The following DTL variants were observed in gnomAD, a reference collection of about 807,000 sequenced individuals.
DTL encodes denticleless E3 ubiquitin protein ligase adapter.
DTL carries 46 observed loss-of-function variants against 87.0 expected under a neutral mutation model. The observed-to-expected ratio is 0.53, with a 90% CI of 0.42 to 0.68. The LOEUF (loss-of-function observed/expected upper bound fraction) is 0.68. Among genes scored for constraint, DTL ranks in the 30% least tolerant of loss-of-function variants. DTL has a pLI of 0.00. For synonymous variants in DTL, 308 were observed against 311.2 expected, an observed-to-expected ratio of 0.99 and a Z score of 0.11; for missense variants, 737 against 869.4, an observed-to-expected ratio of 0.85 and a Z score of 1.91.
chr1:212,058,150 TAGAC>T (rs1229032671), intron 5 of DTL, among the ~76,000 whole-genome samples: 2 of 152,098 alleles, frequency 1.3e-5, no homozygotes, highest in African/African-American at 4.8e-5. Context: ...CACTCAGCGT[TAGAC>T]AGATATCTAG....
chr1:212,074,298 A>G (rs142389774), intron 11 of DTL, among the ~76,000 whole-genome samples: 1 of 150,698 alleles, frequency 6.6e-6, no homozygotes, highest in Non-Finnish European at 1.5e-5. Context: ...TTTCTTGACA[A>G]TTGTTAAAGT....
intron 2 of DTL, 81 bp downstream of exon 2, chr1:212,043,199 C>T: frequency 7.3e-7 from 1 of 1,376,290 alleles, no homozygotes; most frequent in Non-Finnish European, 9.7e-7. Context: ...TAGAGTATTT[C>T]CCTTTCAAAG....
intron 13 of DTL, among the ~76,000 whole-genome samples, chr1:212,099,980 G>GT: frequency 6.6e-6 from 1 of 152,192 alleles, no homozygotes. Context: ...CATGGTTTAC[G>GT]TAAGTGCTTT....
chr1:212,076,198 T>G (rs946004875), intron 11 of DTL, among the ~76,000 whole-genome samples: 2 of 152,080 alleles, frequency 1.3e-5, no homozygotes, highest in Admixed American at 6.6e-5. Context: ...TTAACATAGG[T>G]TTTTAATTCT....
chr1:212,047,504 TG>T, intron 5 of DTL, 87 bp downstream of exon 5: 1 of 1,532,908 alleles, frequency 6.5e-7, no homozygotes, highest in Non-Finnish European at 8.9e-7. Flanking sequence ...CCCTTTCCCC[TG>T]TCAAAGTTAC....
rs1655662430 is a variant in DTL at position 212,102,823 on chromosome 1, C to G, written c.2095-19C>G. ...TGAACTTCAAGGAAATCTCTGAAATCTAAACTTTCTTCTTCTAGGTCACCA... is the reference window on the plus strand; with the variant it reads ...TGAACTTCAAGGAAATCTCTGAAATGTAAACTTTCTTCTTCTAGGTCACCA... On this transcript the variant is annotated intron_variant, in intron 14 of 14. Transcript: ENST00000366991. 1 of 1,551,294 alleles carries G rather than the reference C, an allele frequency of 6.4e-7. No homozygotes were observed. The highest frequency in any genetic ancestry group is 1.4e-5 in the African/African-American group (1 of 73,170).
intron 13 of DTL, among the ~76,000 whole-genome samples, chr1:212,087,771 C>G (rs1381558389): frequency 6.6e-6 from 1 of 152,180 alleles, no homozygotes; most frequent in Admixed American, 6.5e-5. Context: ...ACATTGCCAT[C>G]TTGAAAATCA....
chr1:212,084,368 T>C (rs1339415478), intron 13 of DTL, among the ~76,000 whole-genome samples: 1 of 152,122 alleles, frequency 6.6e-6, no homozygotes, highest in African/African-American at 2.4e-5. Flanking sequence ...GTATTTTTAG[T>C]AGAGATGGGG....
chr1:212,048,005 T>C (rs549233594), intron 5 of DTL, among the ~76,000 whole-genome samples: 5 of 152,228 alleles, frequency 3.3e-5, no homozygotes, highest in Non-Finnish European at 7.3e-5. Context: ...ACAATACCAT[T>C]GTTCAACCTT....
rs1033085474 is a variant in DTL at position 212,037,021 on chromosome 1, C to A, written c.52+1079C>A. ...CTCTTAGATAATCTTTGTAATTATA[C>A]TTAAATGCTCCTCTTTCTGTCTCTC... On this transcript the variant is annotated intron_variant, in intron 1 of 14. Transcript: ENST00000366991. 1.1e-4 allele frequency among the ~76,000 whole-genome samples: 16 copies of A among 152,310 alleles called. 1 individual carries two copies. The highest frequency in any genetic ancestry group is 3.8e-4 in the African/African-American group (16 of 41,564).
chr1:212,061,034 T>C (rs1319362091), intron 5 of DTL, among the ~76,000 whole-genome samples: 2 of 152,108 alleles, frequency 1.3e-5, no homozygotes, highest in Non-Finnish European at 2.9e-5. Flanking sequence ...AACTCAACAG[T>C]AGAAAAGACA....
At chr1:212,099,813 C>T (rs911000963) in intron 13 of DTL, 3 of 154,788 alleles carry the variant, frequency 1.9e-5, no homozygotes, top group African/African-American at 7.2e-5. Context: ...CCAAAGTTCA[C>T]TATGTGAGTC....
In DTL at chr1:212,084,803, A is replaced by T. The variant is rs79222897; in HGVS notation, c.1261+4053A>T. 7.8e-3 allele frequency among the ~76,000 whole-genome samples: 1,186 copies of T among 152,314 alleles called. 6 individuals carry two copies. Among genetic ancestry groups the T allele is most frequent in the Middle Eastern group, 0.027 (8 of 294 alleles). ...CTCCTCATCCTCCTAACACAGGGTC[A>T]TGATTTTGGTTAAATCAAGATACAG... is the stretch of plus-strand genomic sequence containing the variant. On this transcript the variant is annotated intron_variant, in intron 13 of 14. Transcript: ENST00000366991.
At chr1:212,036,863 A>G (rs1267772373) in intron 1 of DTL, among the ~76,000 whole-genome samples, 4 of 152,222 alleles carry the variant, frequency 2.6e-5, no homozygotes, top group Admixed American at 1.3e-4. Flanking sequence ...AACTATGTGG[A>G]AAACGAACCT....
At chr1:212,078,933 T>TA (rs1654913498) in intron 12 of DTL, among the ~76,000 whole-genome samples, 2 of 152,320 alleles carry the variant, frequency 1.3e-5, no homozygotes, top group Non-Finnish European at 1.5e-5. Context: ...CCTCTGGTCT[T>TA]TGAGTTATTC....
At chr1:212,098,891 T>C (rs1571986334) in intron 13 of DTL, among the ~76,000 whole-genome samples, 1 of 152,210 alleles carries the variant, frequency 6.6e-6, no homozygotes, top group East Asian at 1.9e-4. Context: ...TCTGTGCTCA[T>C]ATCTGCACTT....
intron 3 of DTL, 83 bp downstream of exon 3, chr1:212,044,841 G>A: frequency 1.2e-6 from 1 of 807,988 alleles, no homozygotes; most frequent in Non-Finnish European, 2.1e-6. Flanking sequence ...AACACATTCT[G>A]TTTTAGTCTG....
intron 13 of DTL, among the ~76,000 whole-genome samples, chr1:212,098,345 T>A (rs1402855806): frequency 2.6e-5 from 4 of 152,198 alleles, no homozygotes; most frequent in Non-Finnish European, 5.9e-5. Context: ...TGGCTTGAAT[T>A]GGTTGGCCTC....
At position 212,089,725 on chromosome 1, in the gene DTL, G is replaced by C. The variant is rs117547460; in HGVS notation, c.1261+8975G>C. Among the ~76,000 whole-genome samples, 65 of 152,222 alleles carry C rather than the reference G, an allele frequency of 4.3e-4. No individual in the cohort carries two copies. The East Asian group carries it at 0.011, about 25-fold the overall frequency. On this transcript the variant is annotated intron_variant, in intron 13 of 14. Transcript: ENST00000366991. ...CATGGACCACTTCCTCTTTCACCAT[G>C]ACATCCTGAAGGAAGAGGAAATGCC...
Sources: allele counts gnomAD v4.1 joint callset (sites outside exome capture counted in the v4.1 genomes callset), GRCh38; gene constraint gnomAD v4.1.1; transcripts MANE v1.5; gene names NCBI Gene and HGNC (gene_info 2026-07-23, HGNC 2026-07-21).